Variants in OVCH1 observed in about 807,000 individuals in gnomAD.
The protein encoded by OVCH1 is ovochymase-1.
OVCH1 carries 139 observed loss-of-function variants against 138.4 expected under a neutral mutation model. The ratio of observed to expected loss-of-function variants is 1.00; its 90% confidence interval spans 0.87 to 1.16. OVCH1 has a LOEUF of 1.16. OVCH1 is among the 50% of genes most tolerant of loss of function. OVCH1 has a pLI of 0.00. For missense variants in OVCH1, 1,367 were observed against 1,357.9 expected, an observed-to-expected ratio of 1.01 and a Z score of -0.11; for synonymous variants, 453 against 467.8, an observed-to-expected ratio of 0.97 and a Z score of 0.41.
intron 26 of OVCH1, among the ~76,000 whole-genome samples, chr12:29,435,626 TTACAGGCATGAGC>T (rs1447602847): frequency 6.6e-6 from 1 of 152,134 alleles, no homozygotes; most frequent in Non-Finnish European, 1.5e-5. Flanking sequence ...AGTGCTGGGA[TTACAGGCATGAGC>T]TACCGCACCC....
chr12:29,409,463 C>G (rs1940925041), downstream of OVCH1, among the ~76,000 whole-genome samples: 2 of 151,888 alleles, frequency 1.3e-5, no homozygotes, highest in East Asian at 1.9e-4. Flanking sequence ...AAATTTCCCT[C>G]TACACACTGC....
downstream of OVCH1, among the ~76,000 whole-genome samples, chr12:29,409,597 T>C (rs561156978): frequency 9.8e-5 from 15 of 152,304 alleles, 1 homozygote; most frequent in Admixed American, 7.8e-4. Flanking sequence ...GGTTGTTCAG[T>C]TTCTCTGTAG....
chr12:29,492,263 T>A (rs1413123424), intron 4 of OVCH1, among the ~76,000 whole-genome samples: 1 of 151,762 alleles, frequency 6.6e-6, no homozygotes, highest in African/African-American at 2.4e-5. Flanking sequence ...TGCTGCAGGA[T>A]CATGCATATA....
chr12:29,439,443 GTC>G lies in OVCH1; in HGVS notation c.3158-11_3158-10del, dbSNP rs749090409. ...AGTTCCAGCGAATGAAGCTAAGATG[GTC>G]TGAGAAAAACAAACAAACAAACAAA... On this transcript the variant is annotated splice_polypyrimidine_tract_variant and intron_variant, in intron 25 of 27. Coordinates refer to ENST00000318184, the Ensembl canonical transcript of OVCH1. 3 of 1,451,112 alleles carry G rather than the reference GTC, an allele frequency of 2.1e-6. No homozygotes were observed. The African/African-American group carries it at 4.4e-5, about 21-fold the overall frequency. 89.9% of individuals were successfully genotyped at this position (1,451,112 alleles called of 1,614,324 possible). A position where few individuals can be genotyped will look rare whatever the true frequency, so the allele number is the denominator to read the frequency against.
chr12:29,441,162 G>A (rs1941475474), intron 25 of OVCH1, among the ~76,000 whole-genome samples: 4 of 152,146 alleles, frequency 2.6e-5, no homozygotes. Flanking sequence ...GCATTGCCAA[G>A]TCAATCCTAA....
chr12:29,444,458 A>G (rs894804441), intron 23 of OVCH1, among the ~76,000 whole-genome samples, 178 bp from the exon 24 acceptor site: 1 of 152,052 alleles, frequency 6.6e-6, no homozygotes, highest in African/African-American at 2.4e-5. Flanking sequence ...TTCAAAAGGT[A>G]TAGGAAACAA....
rs1941920402 is a variant in OVCH1 at position 29,455,422 on chromosome 12, A to T, written c.2281-17T>A. On this transcript the variant is annotated splice_polypyrimidine_tract_variant and intron_variant, in intron 19 of 27. Transcript: ENST00000318184. ...AGAGTCTCCCTGAAACACCAAGAAA[A>T]CATGTTTTAGAAAACTGCTTTAATC... The T allele has an allele frequency of 6.3e-7, 1 of 1,582,700 alleles. No homozygotes were observed. The highest frequency in any genetic ancestry group is 8.6e-7 in the Non-Finnish European group (1 of 1,166,770).
At position 29,472,001 on chromosome 12, in the gene OVCH1, C is replaced by G; in HGVS notation, c.1676-19G>C. ...CAGACATCTACAGTAAAGATGAAAC[C>G]AATGACCCATAAGGTTGCAGTAATT... On this transcript the variant is annotated intron_variant, in intron 15 of 27. Transcript: ENST00000318184. The G allele has an allele frequency of 6.9e-6, 11 of 1,594,274 alleles. No homozygotes were observed. The highest frequency in any genetic ancestry group is 9.4e-6 in the Non-Finnish European group (11 of 1,171,630).
rs376547426 is a variant in OVCH1 at position 29,436,049 on chromosome 12, C to G, written c.3265-2236G>C. Among the ~76,000 whole-genome samples the G allele has an allele frequency of 2.1e-4, 32 of 152,126 alleles. No homozygotes were observed. The East Asian group carries it at 3.1e-3, about 15-fold the overall frequency. On this transcript the variant is annotated intron_variant, in intron 26 of 27. Coordinates refer to ENST00000318184, the Ensembl canonical transcript of OVCH1. The stretch of plus-strand genomic sequence containing the variant: ...AACAAATTTGAATTATATAGTTCAT[C>G]CTGATTTTCTCACTCAATATGACAG...
At chr12:29,481,949 C>T (rs1592103020) in intron 8 of OVCH1, among the ~76,000 whole-genome samples, 1 of 152,330 alleles carries the variant, frequency 6.6e-6, no homozygotes, top group East Asian at 1.9e-4. Context: ...GTGGTCAAAG[C>T]TAGACTTTTA....
At chr12:29,403,684 A>T in the OVCH1 span, among the ~76,000 whole-genome samples, 1 of 152,196 alleles carries the variant, frequency 6.6e-6, no homozygotes. Context: ...TGTTAAGGTC[A>T]ATTGACGTGC....
chr12:29,472,008 C>T lies in OVCH1; in HGVS notation c.1676-26G>A, dbSNP rs551735049. The T allele has an allele frequency of 1.6e-5, 25 of 1,577,546 alleles. 1 individual carries two copies. The African/African-American group carries it at 2.9e-4, about 18-fold the overall frequency. ...CTACAGTAAAGATGAAACCAATGACCCATAAGGTTGCAGTAATTTAGAACA... is the reference window on the plus strand; with the variant it reads ...CTACAGTAAAGATGAAACCAATGACTCATAAGGTTGCAGTAATTTAGAACA... On this transcript the variant is annotated intron_variant, in intron 15 of 27. Transcript: ENST00000318184.
At chr12:29,457,678 C>T (rs558514766) in intron 19 of OVCH1, among the ~76,000 whole-genome samples, 99 of 152,140 alleles carry the variant, frequency 6.5e-4, no homozygotes, top group African/African-American at 2.2e-3. Flanking sequence ...GCTGGGATTA[C>T]AGGTGTGAGC....
exon 18 of OVCH1, chr12:29,464,670 T>G: frequency 1.2e-6 from 2 of 1,613,462 alleles, no homozygotes; most frequent in Middle Eastern, 1.7e-4. Context: ...TGTTAAAGTC[T>G]TCATGCACTA....
intron 3 of OVCH1, among the ~76,000 whole-genome samples, chr12:29,419,255 A>G (rs1366227469): frequency 1.3e-5 from 2 of 151,904 alleles, no homozygotes; most frequent in African/African-American, 4.8e-5. Flanking sequence ...ATTTTAATGT[A>G]TATATTTTCT....
chr12:29,479,717 A>C (rs964266268), intron 8 of OVCH1, among the ~76,000 whole-genome samples: 8 of 152,060 alleles, frequency 5.3e-5, no homozygotes, highest in Non-Finnish European at 8.8e-5. Context: ...CTTTACAAAT[A>C]TTAAGGACTT....
chr12:29,486,315 C>G, exon 8 of OVCH1: 1 of 1,613,736 alleles, frequency 6.2e-7, no homozygotes, highest in East Asian at 2.2e-5. Context: ...ATACCTTGAG[C>G]CCACTTTTGA....
intron 9 of OVCH1, 127 bp downstream of exon 10, chr12:29,478,708 G>T: frequency 3.9e-6 from 2 of 513,550 alleles, no homozygotes; most frequent in South Asian, 1.5e-4. Context: ...TATTAGGAAA[G>T]TAAAGGAATA....
chr12:29,426,750 A>G (rs1040442505), downstream of OVCH1, among the ~76,000 whole-genome samples: 1 of 152,162 alleles, frequency 6.6e-6, no homozygotes, highest in African/African-American at 2.4e-5. Context: ...CTCGCATTCC[A>G]TTATTGTTAT....
Sources: allele counts gnomAD v4.1 joint callset (sites outside exome capture counted in the v4.1 genomes callset), GRCh38; gene constraint gnomAD v4.1.1; transcripts MANE v1.5; gene names NCBI Gene and HGNC (gene_info 2026-07-23, HGNC 2026-07-21).